CTIF: variants seen among roughly 807,000 people sequenced by gnomAD.
The protein encoded by CTIF is CBP80/20-dependent translation initiation factor.
A neutral mutation model predicts 66.0 loss-of-function variants in CTIF; 21 were observed. The observed-to-expected ratio is 0.32, with a 90% CI of 0.23 to 0.46. CTIF has a LOEUF of 0.46. CTIF is among the 20% of genes least tolerant of loss of function. The probability of loss-of-function intolerance (pLI) is 1.00; values close to 1 mark genes in which losing one functional copy is unlikely to be tolerated. For missense variants in CTIF, 739 were observed against 812.7 expected (o/e 0.91, Z 1.10); for synonymous variants, 345 against 326.4 (o/e 1.06, Z -0.62).
intron 9 of CTIF, among the ~76,000 whole-genome samples, chr18:48,774,023 C>T (rs968991313): frequency 1.3e-5 from 2 of 152,160 alleles, no homozygotes; most frequent in African/African-American, 2.4e-5. Flanking sequence ...GGCCCCCTTA[C>T]GGAGACAGAG....
intron 6 of CTIF, among the ~76,000 whole-genome samples, chr18:48,710,481 C>T (rs917896624): frequency 1.3e-5 from 2 of 152,192 alleles, no homozygotes; most frequent in Admixed American, 6.5e-5. Flanking sequence ...CACCCCAGGC[C>T]GCTCATAATG....
At chr18:48,713,867 TGCAAGTCAGA>T (rs1263999457) in intron 7 of CTIF, among the ~76,000 whole-genome samples, 32 of 152,158 alleles carry the variant, frequency 2.1e-4, no homozygotes, top group African/African-American at 7.2e-4. Context: ...GGCAACACTG[TGCAAGTCAGA>T]GCAGCAGCCA....
intron 8 of CTIF, among the ~76,000 whole-genome samples, chr18:48,760,014 C>G (rs1226596544): frequency 6.6e-6 from 1 of 152,158 alleles, no homozygotes; most frequent in Non-Finnish European, 1.5e-5. Flanking sequence ...GAGAGCAACA[C>G]TTTCCTTCTC....
chr18:48,687,642 C>T (rs948589017), intron 6 of CTIF, among the ~76,000 whole-genome samples: 1 of 152,242 alleles, frequency 6.6e-6, no homozygotes, highest in South Asian at 2.1e-4. Context: ...CCGACACCAC[C>T]TCTGAGACAG....
At chr18:48,564,983 TA>T (rs1448767074) in intron 1 of CTIF, 1 of 152,246 alleles carries the variant, frequency 6.6e-6, no homozygotes, top group Non-Finnish European at 1.5e-5. Flanking sequence ...AGATAAATTT[TA>T]AGGGAAGAAT....
chr18:48,550,681 C>T (rs2088861183), intron 1 of CTIF, among the ~76,000 whole-genome samples: 1 of 152,164 alleles, frequency 6.6e-6, no homozygotes, highest in Non-Finnish European at 1.5e-5. Context: ...CCCATCACTC[C>T]CTGCCTCCTC....
chr18:48,649,729 G>T (rs1938268705), intron 3 of CTIF, among the ~76,000 whole-genome samples: 1 of 152,160 alleles, frequency 6.6e-6, no homozygotes, highest in African/African-American at 2.4e-5. Flanking sequence ...ATACAGGCAG[G>T]TGCACCTCTG....
At chr18:48,621,445 A>G in intron 2 of CTIF, 1 of 270,192 alleles carries the variant, frequency 3.7e-6, no homozygotes, top group Non-Finnish European at 7.2e-6. Context: ...GATGAGTCAG[A>G]GGGATGATGA....
At chr18:48,745,043 C>T (rs1279183195) in intron 7 of CTIF, among the ~76,000 whole-genome samples, 2 of 151,996 alleles carry the variant, frequency 1.3e-5, no homozygotes, top group African/African-American at 2.4e-5. Flanking sequence ...AGGATGGTCT[C>T]GATCTCCTGA....
At chr18:48,583,724 G>T (rs2089710298) in intron 1 of CTIF, among the ~76,000 whole-genome samples, 1 of 152,204 alleles carries the variant, frequency 6.6e-6, no homozygotes, top group South Asian at 2.1e-4. Context: ...CAACAACTGG[G>T]CAGTCGACCA....
At chr18:48,740,279 A>G (rs1419313476) in intron 7 of CTIF, among the ~76,000 whole-genome samples, 1 of 152,162 alleles carries the variant, frequency 6.6e-6, no homozygotes, top group East Asian at 1.9e-4. Flanking sequence ...AGTTCTGACC[A>G]TCCAGCTTCC....
At chr18:48,805,389 G>A (rs1265336341) in intron 9 of CTIF, among the ~76,000 whole-genome samples, 3 of 148,730 alleles carry the variant, frequency 2.0e-5, no homozygotes, top group African/African-American at 7.3e-5. Flanking sequence ...GAGGAGTGAG[G>A]GGGCTTCACT....
chr18:48,775,608 C>A (rs918351741), intron 9 of CTIF, among the ~76,000 whole-genome samples: 1 of 152,256 alleles, frequency 6.6e-6, no homozygotes, highest in African/African-American at 2.4e-5. Context: ...CCCAGTGAAA[C>A]AGGCACTGGC....
chr18:48,573,446 TTGTC>T (rs955144065), intron 1 of CTIF, among the ~76,000 whole-genome samples: 37 of 152,376 alleles, frequency 2.4e-4, no homozygotes, highest in African/African-American at 7.9e-4. Context: ...ACTTGGCTCA[TTGTC>T]TGTTTATTTT....
intron 6 of CTIF, among the ~76,000 whole-genome samples, chr18:48,694,315 G>T (rs762471598): frequency 4.6e-5 from 7 of 152,248 alleles, no homozygotes; most frequent in Non-Finnish European, 7.3e-5. Flanking sequence ...GAGGAGGGCT[G>T]CAGGAGGCAG....
intron 2 of CTIF, among the ~76,000 whole-genome samples, chr18:48,635,508 G>T (rs1457189564): frequency 6.6e-6 from 1 of 151,796 alleles, no homozygotes; most frequent in East Asian, 1.9e-4. Context: ...TTTTGTTTTA[G>T]TAGGGACAAG....
chr18:48,603,620 TGGATGGAA>T (rs1237131315), intron 1 of CTIF, among the ~76,000 whole-genome samples: 9 of 149,134 alleles, frequency 6.0e-5, no homozygotes, highest in Non-Finnish European at 3.0e-5. Flanking sequence ...GGTGGGTGGA[TGGATGGAA>T]GGATGGATGG....
At chr18:48,575,297 G>A (rs2089506310) in intron 1 of CTIF, among the ~76,000 whole-genome samples, 1 of 152,182 alleles carries the variant, frequency 6.6e-6, no homozygotes, top group African/African-American at 2.4e-5. Flanking sequence ...CCCCCCGACA[G>A]CTGTTCTATG....
intron 6 of CTIF, among the ~76,000 whole-genome samples, chr18:48,700,050 T>C (rs2092061946): frequency 6.6e-6 from 1 of 152,216 alleles, no homozygotes; most frequent in Non-Finnish European, 1.5e-5. Context: ...GGCTTGGCTG[T>C]GTCCCCACCC....
Sources: gnomAD v4.1 joint callset for allele counts (sites outside exome capture counted in the v4.1 genomes callset) on GRCh38, gnomAD v4.1.1 for gene constraint, MANE v1.5 for transcripts, NCBI Gene and HGNC (gene_info 2026-07-23, HGNC 2026-07-21) for gene names.